The following ADAMTSL3 variants were observed in gnomAD, a reference collection of about 807,000 sequenced individuals.
ADAMTSL3 encodes the protein ADAMTS-like protein 3.
Under a neutral mutation model 201.7 loss-of-function variants are expected in ADAMTSL3, and 128 were observed. The observed-to-expected ratio is 0.63, with a 90% confidence interval of 0.55 to 0.73. The LOEUF (loss-of-function observed/expected upper bound fraction) is 0.73. Ranked by LOEUF, ADAMTSL3 falls within the 30% of genes least tolerant of loss-of-function variation. The pLI, the probability that ADAMTSL3 is intolerant of heterozygous loss-of-function variation, is 0.00. For synonymous variants in ADAMTSL3, 738 were observed against 748.4 expected (o/e 0.99, Z 0.23); for missense variants, 1,990 against 2,119.6 (o/e 0.94, Z 1.20).
At chr15:83,924,903 G>A (rs914275404) in intron 17 of ADAMTSL3, among the ~76,000 whole-genome samples, 4 of 152,078 alleles carry the variant, frequency 2.6e-5, no homozygotes, top group African/African-American at 7.2e-5. Context: ...CGTTTGCCCC[G>A]CTAATGAAAT....
rs141152069 is a variant in ADAMTSL3 at position 83,942,522 on chromosome 15, C to T, written c.2118-74C>T. 527 of 1,419,722 alleles carry T rather than the reference C, an allele frequency of 3.7e-4. 4 individuals are homozygous for T. The East Asian group carries it at 4.8e-3, about 13-fold the overall frequency. 87.9% of individuals were successfully genotyped at this position (1,419,722 alleles called of 1,614,324 possible). On this transcript the variant is annotated intron_variant, in intron 17 of 29. Coordinates refer to ENST00000286744, the MANE Select transcript of ADAMTSL3 (RefSeq NM_207517.3). ...TCTGGAAGCCCAGAGGAGAGCTTCA[C>T]GTTGTTCATGCTCTGATGGTTGCAC...
intron 21 of ADAMTSL3, among the ~76,000 whole-genome samples, chr15:83,987,831 C>G (rs1299882225): frequency 6.6e-6 from 1 of 151,936 alleles, no homozygotes; most frequent in Non-Finnish European, 1.5e-5. Context: ...GCAGAATAGT[C>G]CATATTGCTA....
At chr15:83,750,719 T>G (rs901032393) in intron 3 of ADAMTSL3, among the ~76,000 whole-genome samples, 1 of 152,078 alleles carries the variant, frequency 6.6e-6, no homozygotes, top group South Asian at 2.1e-4. Context: ...ACCCAGCTAA[T>G]TTTTGTATTT....
intron 6 of ADAMTSL3, among the ~76,000 whole-genome samples, chr15:83,832,190 A>G (rs1365675569): frequency 6.6e-6 from 1 of 152,070 alleles, no homozygotes; most frequent in African/African-American, 2.4e-5. Flanking sequence ...GCCTGCAGTC[A>G]ACATGAGCTT....
intron 23 of ADAMTSL3, among the ~76,000 whole-genome samples, chr15:84,001,327 T>C (rs2141860432): frequency 6.6e-6 from 1 of 152,336 alleles, no homozygotes; most frequent in Middle Eastern, 3.4e-3. Context: ...ATAGGCAGCA[T>C]GTCAATAAAT....
At chr15:83,757,152 G>A (rs1332698717) in intron 3 of ADAMTSL3, among the ~76,000 whole-genome samples, 1 of 152,242 alleles carries the variant, frequency 6.6e-6, no homozygotes, top group Non-Finnish European at 1.5e-5. Flanking sequence ...ACTAGGCAGT[G>A]CCCCAGTGGT....
intron 20 of ADAMTSL3, among the ~76,000 whole-genome samples, chr15:83,980,656 C>G (rs1345639954): frequency 6.6e-6 from 1 of 152,096 alleles, no homozygotes; most frequent in Non-Finnish European, 1.5e-5. Context: ...CTGGACCCAT[C>G]CTGAGATCAA....
intron 2 of ADAMTSL3, among the ~76,000 whole-genome samples, chr15:83,670,033 A>C (rs2061308523): frequency 6.6e-6 from 1 of 151,784 alleles, no homozygotes; most frequent in South Asian, 2.1e-4. Flanking sequence ...CAAGGCGGGC[A>C]GATCACCTGA....
chr15:83,965,849 C>T (rs1223876532), intron 19 of ADAMTSL3, among the ~76,000 whole-genome samples: 1 of 152,184 alleles, frequency 6.6e-6, no homozygotes, highest in Non-Finnish European at 1.5e-5. Flanking sequence ...GACCACAGTG[C>T]AGTCAAATTA....
intron 23 of ADAMTSL3, among the ~76,000 whole-genome samples, chr15:84,009,807 C>T (rs1020887762): frequency 6.6e-6 from 1 of 152,312 alleles, no homozygotes; most frequent in Admixed American, 6.5e-5. Context: ...ACTTGCTGTT[C>T]CCTCTGCCGG....
intron 3 of ADAMTSL3, among the ~76,000 whole-genome samples, chr15:83,759,073 C>T (rs1157571337): frequency 6.6e-6 from 1 of 151,970 alleles, no homozygotes; most frequent in Non-Finnish European, 1.5e-5. Context: ...TTTCACTGCT[C>T]GAACATCTCA....
At chr15:84,018,219 C>A (rs2141903913) in intron 25 of ADAMTSL3, among the ~76,000 whole-genome samples, 1 of 152,342 alleles carries the variant, frequency 6.6e-6, no homozygotes, top group Admixed American at 6.5e-5. Context: ...CAGACACACA[C>A]AAACACATGC....
intron 10 of ADAMTSL3, among the ~76,000 whole-genome samples, chr15:83,889,027 CT>C (rs1238964835): frequency 6.6e-6 from 1 of 152,122 alleles, no homozygotes; most frequent in Non-Finnish European, 1.5e-5. Flanking sequence ...AAAAGTTTAA[CT>C]TTAACAAGAC....
chr15:83,965,733 C>T (rs1225209693), intron 19 of ADAMTSL3, among the ~76,000 whole-genome samples: 1 of 152,164 alleles, frequency 6.6e-6, no homozygotes, highest in Non-Finnish European at 1.5e-5. Context: ...AATATACATT[C>T]TTCTCAGCAC....
chr15:83,693,390 G>T (rs1013086063), intron 2 of ADAMTSL3, among the ~76,000 whole-genome samples: 2 of 152,186 alleles, frequency 1.3e-5, no homozygotes, highest in African/African-American at 2.4e-5. Flanking sequence ...CTCGGGCCTG[G>T]CCAGGCTGGA....
chr15:83,786,453 A>T (rs1377016273), intron 4 of ADAMTSL3, among the ~76,000 whole-genome samples: 2 of 152,194 alleles, frequency 1.3e-5, no homozygotes, highest in African/African-American at 4.8e-5. Flanking sequence ...TGTGTTATAT[A>T]CATTCTAATT....
chr15:84,034,631 C>G (rs1473024198), intron 28 of ADAMTSL3, among the ~76,000 whole-genome samples: 22 of 152,154 alleles, frequency 1.4e-4, no homozygotes, highest in African/African-American at 2.4e-5. Context: ...AATAAAGATG[C>G]TTGGGCCTCA....
At chr15:83,683,194 A>G (rs1194270213) in intron 2 of ADAMTSL3, among the ~76,000 whole-genome samples, 3 of 152,190 alleles carry the variant, frequency 2.0e-5, no homozygotes, top group East Asian at 3.8e-4. Context: ...GAAGATAGGT[A>G]TTACTGAGTT....
chr15:83,921,187 T>G (rs144999367), intron 16 of ADAMTSL3, among the ~76,000 whole-genome samples: 6 of 152,172 alleles, frequency 3.9e-5, no homozygotes, highest in African/African-American at 1.4e-4. Context: ...GTTGGGGAGT[T>G]CAATTGTTTA....
Sources: gnomAD v4.1 joint callset for allele counts (sites outside exome capture counted in the v4.1 genomes callset) on GRCh38, gnomAD v4.1.1 for gene constraint, MANE v1.5 for transcripts, NCBI Gene and HGNC (gene_info 2026-07-23, HGNC 2026-07-21) for gene names.